Variants in TULP4 observed in about 807,000 individuals in gnomAD.
TULP4 encodes TUB like protein 4.
Under a neutral mutation model 129.0 loss-of-function variants are expected in TULP4, and 16 were observed. The observed-to-expected ratio is 0.12, with a 90% CI of 0.08 to 0.19. The LOEUF (loss-of-function observed/expected upper bound fraction) is 0.19. Among genes scored for constraint, TULP4 ranks in the 10% least tolerant of loss-of-function variants. The pLI, the probability that TULP4 is intolerant of heterozygous loss-of-function variation, is 1.00. For synonymous variants in TULP4, 998 were observed against 854.0 expected (o/e 1.17, Z -2.94); for missense variants, 1,842 against 2,059.1 (o/e 0.89, Z 2.04).
At position 158,313,669 on chromosome 6, in the gene TULP4, G is replaced by T; in HGVS notation, c.-348G>T. On this transcript the variant is annotated 5_prime_UTR_variant, in exon 1 of 14. Coordinates refer to ENST00000367097, the MANE Select transcript of TULP4 (RefSeq NM_020245.5). Reference sequence around the variant, plus strand: ...TGAGAATAACCAAGTGGAGTAAAAAGAAGAAAACCGTTTCTTGATCACCAC... The same window carrying T: ...TGAGAATAACCAAGTGGAGTAAAAATAAGAAAACCGTTTCTTGATCACCAC... 2.2e-6 allele frequency: 1 copy of T among 445,930 alleles called. No homozygotes were observed. The highest frequency in any genetic ancestry group is 3.9e-6 in the Non-Finnish European group (1 of 255,050). 27.6% of individuals were successfully genotyped at this position (445,930 alleles called of 1,614,324 possible).
intron 1 of TULP4, among the ~76,000 whole-genome samples, chr6:158,321,600 C>T (rs1779634839): frequency 6.6e-6 from 1 of 152,128 alleles, no homozygotes; most frequent in Non-Finnish European, 1.5e-5. Flanking sequence ...GGCCCAAGAC[C>T]AGCCAGTCAG....
At chr6:158,370,990 G>A (rs978091788) in intron 1 of TULP4, among the ~76,000 whole-genome samples, 1 of 152,148 alleles carries the variant, frequency 6.6e-6, no homozygotes, top group African/African-American at 2.4e-5. Context: ...CTGACCCCTC[G>A]TGCCAGTTCT....
intron 9 of TULP4, among the ~76,000 whole-genome samples, chr6:158,491,459 C>T (rs541184374): frequency 2.7e-4 from 7 of 25,908 alleles, no homozygotes; most frequent in South Asian, 1.5e-3. Flanking sequence ...TCTTTCTTTT[C>T]TTTCTTTCTT....
chr6:158,319,819 TA>T (rs1779584662), intron 1 of TULP4, among the ~76,000 whole-genome samples: 1 of 152,220 alleles, frequency 6.6e-6, no homozygotes, highest in African/African-American at 2.4e-5. Context: ...AAATTTGTGA[TA>T]AAATGGTATT....
At chr6:158,357,594 T>C (rs2114823353) in intron 1 of TULP4, among the ~76,000 whole-genome samples, 1 of 152,344 alleles carries the variant, frequency 6.6e-6, no homozygotes, top group Non-Finnish European at 1.5e-5. Flanking sequence ...TTTTACTGGC[T>C]GGTGAAGCTA....
At chr6:158,397,509 GTTTTTTTTGCAA>G (rs1175863332) in intron 1 of TULP4, among the ~76,000 whole-genome samples, 1 of 151,296 alleles carries the variant, frequency 6.6e-6, no homozygotes, top group African/African-American at 2.4e-5. Context: ...AAAACATTGA[GTTTTTTTTGCAA>G]TTTTTTTTTT....
chr6:158,469,955 C>T (rs772634636), intron 6 of TULP4, among the ~76,000 whole-genome samples: 3 of 152,014 alleles, frequency 2.0e-5, no homozygotes, highest in Non-Finnish European at 4.4e-5. Context: ...TGGCAAGCCT[C>T]GTGTTCTCTG....
chr6:158,462,960 G>A (rs1779473867), intron 6 of TULP4, among the ~76,000 whole-genome samples: 1 of 151,322 alleles, frequency 6.6e-6, no homozygotes, highest in South Asian at 2.1e-4. Context: ...TGCCATGTTG[G>A]CCAGGCTGGT....
At position 158,502,352 on chromosome 6, in the gene TULP4, G is replaced by A. The variant is rs770190031; in HGVS notation, c.2689G>A (p.Val897Met). ...CACCACCTTCGACAGCAGTGGCAAC[G>A]TGGAGGAGGTGTGCCGGCCCCGCAC... is the stretch of plus-strand genomic sequence containing the variant. ...RITTFDSSGN[V>M]EEVCRPRTRM... Residue 897 changes from valine (V) to methionine (M), a missense_variant, in exon 13 of 14, where the codon GTG becomes ATG. Coordinates refer to ENST00000367097, the MANE Select transcript of TULP4 (RefSeq NM_020245.5). The A allele has an allele frequency of 2.5e-6, 4 of 1,613,790 alleles. No homozygotes were observed. Among genetic ancestry groups the A allele is most frequent in the Non-Finnish European group, 2.5e-6 (3 of 1,179,954 alleles).
At chr6:158,368,219 A>G (rs1429669323) in intron 1 of TULP4, among the ~76,000 whole-genome samples, 1 of 152,206 alleles carries the variant, frequency 6.6e-6, no homozygotes, top group Non-Finnish European at 1.5e-5. Context: ...ATTATCTAAA[A>G]GTATGATTTG....
intron 3 of TULP4, among the ~76,000 whole-genome samples, chr6:158,433,440 C>T (rs935240341): frequency 4.6e-5 from 7 of 152,216 alleles, no homozygotes; most frequent in African/African-American, 1.7e-4. Flanking sequence ...AGTTGCTAGG[C>T]GCAGTGGCTC....
At chr6:158,235,544 C>G (rs1777674634) in intron 1 of TULP4, among the ~76,000 whole-genome samples, 1 of 152,190 alleles carries the variant, frequency 6.6e-6, no homozygotes, top group Non-Finnish European at 1.5e-5. Context: ...GACAAGGTCT[C>G]ACTATGTTGC....
intron 1 of TULP4, among the ~76,000 whole-genome samples, chr6:158,301,124 G>T (rs140321044): frequency 2.0e-5 from 3 of 152,150 alleles, no homozygotes; most frequent in South Asian, 2.1e-4. Flanking sequence ...TGATAGTAGC[G>T]GTTTCTATAT....
At chr6:158,438,600 TTTGA>T (rs78487832) in intron 3 of TULP4, among the ~76,000 whole-genome samples, 34,957 of 149,700 alleles carry the variant, frequency 0.23, 5,165 homozygotes, top group Middle Eastern at 0.34. Context: ...TGTTTGTTTG[TTTGA>T]GACAGAGTCT....
intron 3 of TULP4, among the ~76,000 whole-genome samples, chr6:158,448,609 T>G (rs762400795): frequency 9.9e-5 from 15 of 152,120 alleles, no homozygotes; most frequent in Non-Finnish European, 2.2e-4. Flanking sequence ...TTTGAGAAAA[T>G]AATAACAACA....
intron 1 of TULP4, among the ~76,000 whole-genome samples, chr6:158,316,229 G>T (rs766785068): frequency 2.1e-5 from 3 of 145,994 alleles, no homozygotes; most frequent in Non-Finnish European, 3.0e-5. Flanking sequence ...TTTGGCTGTT[G>T]TGACTAATGC....
chr6:158,451,953 C>G (rs904878766), intron 4 of TULP4, among the ~76,000 whole-genome samples, 181 bp from the exon 5 acceptor site: 2 of 152,232 alleles, frequency 1.3e-5, no homozygotes, highest in Non-Finnish European at 2.9e-5. Context: ...TTAGTGCCCA[C>G]TGATGGCCCT....
intron 2 of TULP4, among the ~76,000 whole-genome samples, chr6:158,416,145 C>T (rs1315262219): frequency 6.6e-6 from 1 of 152,224 alleles, no homozygotes; most frequent in Admixed American, 6.5e-5. Context: ...CCATCTTCTC[C>T]TTCCTGCTTT....
intron 1 of TULP4, among the ~76,000 whole-genome samples, chr6:158,380,925 G>GAAGAA (rs1777309494): frequency 7.4e-6 from 1 of 135,972 alleles, no homozygotes; most frequent in Middle Eastern, 3.7e-3. Flanking sequence ...AGAAGAAGAA[G>GAAGAA]AAAGAGGTTT....
Sources: gnomAD v4.1 joint callset for allele counts (sites outside exome capture counted in the v4.1 genomes callset) on GRCh38, gnomAD v4.1.1 for gene constraint, MANE v1.5 for transcripts, NCBI Gene and HGNC (gene_info 2026-07-23, HGNC 2026-07-21) for gene names.